Variants in PSME4 observed in about 807,000 individuals in gnomAD.
PSME4 encodes proteasome activator complex subunit 4.
A neutral mutation model predicts 253.9 loss-of-function variants in PSME4; 89 were observed. The ratio of observed to expected loss-of-function variants is 0.35; its 90% CI spans 0.30 to 0.42. PSME4 has a LOEUF of 0.42. Ranked by LOEUF, PSME4 falls within the 10% of genes least tolerant of loss-of-function variation. The pLI is 1.00. For missense variants in PSME4, 2,014 were observed against 2,195.2 expected, an observed-to-expected ratio of 0.92 and a Z score of 1.65; for synonymous variants, 851 against 759.2, an observed-to-expected ratio of 1.12 and a Z score of -1.99.
intron 29 of PSME4, among the ~76,000 whole-genome samples, 193 bp from the exon 30 acceptor site, chr2:53,898,547 T>G (rs565472357): frequency 3.8e-4 from 58 of 151,652 alleles, no homozygotes; most frequent in African/African-American, 1.4e-3. Context: ...GAAAAGCTCA[T>G]GAAAGGCTAG....
intron 27 of PSME4, among the ~76,000 whole-genome samples, chr2:53,903,761 C>G (rs1573250824): frequency 6.6e-6 from 1 of 152,158 alleles, no homozygotes; most frequent in East Asian, 1.9e-4. Context: ...TGATCACAAA[C>G]AGAGGTAAAT....
At chr2:53,955,865 C>T (rs900693421) in intron 1 of PSME4, among the ~76,000 whole-genome samples, 12 of 152,074 alleles carry the variant, frequency 7.9e-5, no homozygotes, top group African/African-American at 1.2e-4. Context: ...AAGGTTGCAA[C>T]GTGCCAAGAT....
At chr2:53,921,131 G>A in intron 17 of PSME4, 27 bp from the exon 18 acceptor site, 1 of 1,611,448 alleles carries the variant, frequency 6.2e-7, no homozygotes, top group Non-Finnish European at 8.5e-7. Flanking sequence ...AATAGTTGAA[G>A]ATATTTTGGT....
chr2:53,941,872 G>C (rs765202265), intron 3 of PSME4, among the ~76,000 whole-genome samples: 1 of 151,912 alleles, frequency 6.6e-6, no homozygotes, highest in Non-Finnish European at 1.5e-5. Flanking sequence ...TTTCACATAC[G>C]ACCTTGCTAT....
At chr2:53,871,672 T>C (rs1678884179) in intron 43 of PSME4, among the ~76,000 whole-genome samples, 1 of 152,184 alleles carries the variant, frequency 6.6e-6, no homozygotes, top group South Asian at 2.1e-4. Context: ...ATTACGTTCC[T>C]ATAAATAATA....
chr2:53,963,435 T>C lies in PSME4; in HGVS notation c.242+7108A>G, dbSNP rs570392894. Among the ~76,000 whole-genome samples the C allele has an allele frequency of 3.2e-4, 49 of 152,296 alleles. No individual in the cohort carries two copies. The Middle Eastern group carries it at 0.017, about 53-fold the overall frequency. On this transcript the variant is annotated intron_variant, in intron 1 of 46. Coordinates refer to ENST00000404125, the MANE Select transcript of PSME4 (RefSeq NM_014614.3). ...CCAAAACCAGTGCCCAGCCCACGCA[T>C]TGCACTCAAAAAATTGTGTTCAAAG...
At chr2:53,880,401 C>T (rs1356749332) in intron 41 of PSME4, among the ~76,000 whole-genome samples, 2 of 151,938 alleles carry the variant, frequency 1.3e-5, no homozygotes, top group African/African-American at 4.8e-5. Context: ...TTGAGGCCAT[C>T]CTGGACAACA....
intron 26 of PSME4, among the ~76,000 whole-genome samples, 200 bp downstream of exon 26, chr2:53,906,398 T>C (rs368531249): frequency 3.9e-5 from 6 of 152,230 alleles, no homozygotes; most frequent in Admixed American, 6.5e-5. Context: ...TATGCTAACA[T>C]GAGTTAAGAG....
At chr2:53,888,098 A>G in intron 38 of PSME4, 109 bp from the exon 39 acceptor site, 1 of 1,159,148 alleles carries the variant, frequency 8.6e-7, no homozygotes, top group Non-Finnish European at 1.2e-6. Context: ...TCGTTTTTTC[A>G]CTTAATAAAT....
chr2:53,928,567 GAAC>G lies in PSME4; in HGVS notation c.1317-267_1317-265del, dbSNP rs1286467754. The stretch of plus-strand genomic sequence containing the variant: ...ATATTCACATAACTTCTATTACACT[GAAC>G]AATATATTTTTATAATTGTTCTATT... On this transcript the variant is annotated intron_variant, in intron 10 of 46. Transcript: ENST00000404125. Among the ~76,000 whole-genome samples the G allele has an allele frequency of 7.2e-5, 11 of 152,028 alleles. 1 individual carries two copies. The highest frequency in any genetic ancestry group is 1.6e-4 in the Non-Finnish European group (11 of 68,018).
intron 1 of PSME4, among the ~76,000 whole-genome samples, chr2:53,959,042 G>A (rs558432632): frequency 5.0e-4 from 76 of 152,290 alleles, no homozygotes; most frequent in Middle Eastern, 6.8e-3. Flanking sequence ...AGAGCTGGGC[G>A]TGGTGGCTCA....
rs2104424351 is a variant in PSME4 at position 53,888,729 on chromosome 2, T to A, written c.4380A>T (p.Val1460=). ...SPLSGEGGSF[V]DACRLYVLQG... ...TTTTTAAAAAAATTTACCATGCATCTACAAAGGATCCTCCTTCACCACTCA... is the reference window on the plus strand; with the variant it reads ...TTTTTAAAAAAATTTACCATGCATCAACAAAGGATCCTCCTTCACCACTCA... The change falls in exon 38 of 47, where the codon GTA becomes GTT. Residue 1460 remains valine (V), a synonymous_variant. Coordinates refer to ENST00000404125, the MANE Select transcript of PSME4 (RefSeq NM_014614.3). 1 of 1,609,552 alleles carries A rather than the reference T, an allele frequency of 6.2e-7. No individual in the cohort carries two copies. The highest frequency in any genetic ancestry group is 8.5e-7 in the Non-Finnish European group (1 of 1,176,428).
chr2:53,925,583 T>A lies in PSME4; in HGVS notation c.1765A>T (p.Thr589Ser). 1 of 1,606,160 alleles carries A rather than the reference T, an allele frequency of 6.2e-7. No individual in the cohort carries two copies. Among genetic ancestry groups the A allele is most frequent in the Non-Finnish European group, 8.5e-7 (1 of 1,173,396 alleles). ...CATTGGGTGAGGATTGTACTAAACG[T>A]AGAAGACAGACCTAATTCGACCAAA... is the stretch of plus-strand genomic sequence containing the variant. Reference protein sequence around the residue: ...ESLVELGLSSTFSTILTQCSK... With the variant: ...ESLVELGLSSSFSTILTQCSK... Residue 589 changes from threonine (T) to serine (S), a missense_variant, in exon 14 of 47, where the codon ACG becomes TCG. Thr to Ser is a moderately conservative substitution (Grantham distance 58). This residue lies in a region of PSME4 where 989 missense variants were observed against 1,021.1 expected (regional missense o/e 0.97). Coordinates refer to ENST00000404125, the MANE Select transcript of PSME4 (RefSeq NM_014614.3).
rs1247456478 is a variant in PSME4, at chr2:53,868,508, TA to T, written c.5263+867del. On this transcript the variant is annotated intron_variant, in intron 44 of 46. Coordinates refer to ENST00000404125, the MANE Select transcript of PSME4 (RefSeq NM_014614.3). Reference sequence around the variant, plus strand: ...ATATATATATATATGATATATATTATAAAATATATTTATAATATATATAATA... The same window carrying T: ...ATATATATATATATGATATATATTATAAATATATTTATAATATATATAATA... 6.0e-3 allele frequency among the ~76,000 whole-genome samples: 244 copies of T among 40,634 alleles called. 1 individual carries two copies. The highest frequency in any genetic ancestry group is 0.036 in the East Asian group (23 of 640). 26.7% of individuals were successfully genotyped at this position (40,634 alleles called of 152,430 possible). A position where few individuals can be genotyped will look rare whatever the true frequency, so the allele number is the denominator to read the frequency against.
rs1680395718 is a variant in PSME4, at chr2:53,901,461, A to C, written c.3174T>G (p.Ser1058=). ...CIVQTWPAIV[S]SGLSQAMSLE... is the part of the protein sequence containing the mutation. Reference sequence around the variant, plus strand: ...GGGACATTGCTTGGCTAAGCCCTGAAGAAACAATCGCTGGCCACGTCTGTA... The same window carrying C: ...GGGACATTGCTTGGCTAAGCCCTGACGAAACAATCGCTGGCCACGTCTGTA... Residue 1058 remains serine, a synonymous_variant, in exon 28 of 47, where the codon TCT becomes TCG. Transcript: ENST00000404125. The C allele has an allele frequency of 1.2e-6, 2 of 1,614,152 alleles. No homozygotes were observed. Among genetic ancestry groups the C allele is most frequent in the Non-Finnish European group, 1.7e-6 (2 of 1,179,980 alleles).
At chr2:53,940,958 TATA>T (rs1558413789) in intron 3 of PSME4, among the ~76,000 whole-genome samples, 851 of 49,566 alleles carry the variant, frequency 0.017, 96 homozygotes, top group African/African-American at 0.037. Context: ...TATACATATA[TATA>T]TATATATATA....
chr2:53,959,906 C>T (rs1670404420), intron 1 of PSME4, among the ~76,000 whole-genome samples: 1 of 152,134 alleles, frequency 6.6e-6, no homozygotes, highest in South Asian at 2.1e-4. Context: ...ATATGACATT[C>T]CAAGTACCTG....
At chr2:53,964,593 A>G (rs924251765) in intron 1 of PSME4, among the ~76,000 whole-genome samples, 6 of 152,258 alleles carry the variant, frequency 3.9e-5, no homozygotes, top group African/African-American at 1.2e-4. Flanking sequence ...ATTTACAAAT[A>G]AAACCACTTG....
At chr2:53,924,822 T>C (rs1481321844) in intron 14 of PSME4, among the ~76,000 whole-genome samples, 2 of 152,194 alleles carry the variant, frequency 1.3e-5, no homozygotes, top group East Asian at 3.8e-4. Flanking sequence ...AAATTTGCTG[T>C]GACCACTGAA....
Sources: allele counts gnomAD v4.1 joint callset (sites outside exome capture counted in the v4.1 genomes callset), GRCh38; gene constraint gnomAD v4.1.1; regional missense constraint gnomAD v4.1.1; transcripts MANE v1.5; gene names NCBI Gene and HGNC (gene_info 2026-07-23, HGNC 2026-07-21).